The following GPAM variants were observed in gnomAD, a reference collection of about 807,000 sequenced individuals.
GPAM encodes glycerol-3-phosphate acyltransferase 1, mitochondrial.
GPAM carries 56 observed loss-of-function variants against 105.0 expected under a neutral mutation model. The observed-to-expected ratio is 0.53, with a 90% confidence interval of 0.43 to 0.67. GPAM has a LOEUF of 0.67. GPAM is among the 30% of genes least tolerant of loss of function. GPAM has a pLI of 0.00. For synonymous variants in GPAM, 368 were observed against 354.4 expected (o/e 1.04, Z -0.43); for missense variants, 855 against 989.8 (o/e 0.86, Z 1.83).
chr10:112,202,427 A>C (rs1370950365), intron 1 of GPAM, among the ~76,000 whole-genome samples: 1 of 152,226 alleles, frequency 6.6e-6, no homozygotes, highest in Non-Finnish European at 1.5e-5. Context: ...TACTATGTTC[A>C]TGGTAAGCCC....
intron 1 of GPAM, among the ~76,000 whole-genome samples, chr10:112,208,433 C>T (rs1847874518): frequency 6.6e-6 from 1 of 152,150 alleles, no homozygotes; most frequent in Non-Finnish European, 1.5e-5. Context: ...AAAGTGGATA[C>T]TTGAGGCATT....
upstream of GPAM, among the ~76,000 whole-genome samples, chr10:112,219,397 T>C (rs1296728205): frequency 6.6e-6 from 1 of 152,160 alleles, no homozygotes; most frequent in Non-Finnish European, 1.5e-5. Context: ...ACAGCAGGGA[T>C]GTGGAAGTAC....
chr10:112,185,569 C>A (rs1402178018), upstream of GPAM, among the ~76,000 whole-genome samples: 1 of 109,378 alleles, frequency 9.1e-6, no homozygotes, highest in South Asian at 3.1e-4. Flanking sequence ...CACACACACA[C>A]AGACACACAC....
In GPAM at chr10:112,191,420, C is replaced by A. The variant is rs145965803; in HGVS notation, n.211-8529G>T. 5.4e-3 allele frequency among the ~76,000 whole-genome samples: 829 copies of A among 152,322 alleles called. 8 individuals are homozygous for A. Among genetic ancestry groups the A allele is most frequent in the African/African-American group, 0.019 (801 of 41,566 alleles). ...TCTAGCCACTAGCTGTGCCACTGGG[C>A]AGGGCACCAATTCTAGAGGGAAACT... On this transcript the variant is annotated intron_variant and non_coding_transcript_variant, in intron 1 of 3. Transcript: ENST00000480130.
intron 1 of GPAM, among the ~76,000 whole-genome samples, chr10:112,199,851 C>T (rs1847771623): frequency 6.6e-6 from 1 of 152,062 alleles, no homozygotes; most frequent in African/African-American, 2.4e-5. Flanking sequence ...TATGGGGGAA[C>T]CGCCCCCCAT....
chr10:112,162,800 T>C (rs2133236933), intron 14 of GPAM, among the ~76,000 whole-genome samples: 1 of 152,296 alleles, frequency 6.6e-6, no homozygotes, highest in South Asian at 2.1e-4. Flanking sequence ...GTTTTTGCTG[T>C]CTATTTCATC....
intron 1 of GPAM, 166 bp downstream of exon 1, chr10:112,183,527 G>A (rs954718852): frequency 1.3e-5 from 2 of 152,344 alleles, no homozygotes; most frequent in Admixed American, 6.5e-5. Context: ...ACCCCTGCAC[G>A]AGCCCGACCG....
intron 12 of GPAM, among the ~76,000 whole-genome samples, chr10:112,165,094 A>T (rs993931796): frequency 4.6e-5 from 7 of 152,212 alleles, no homozygotes; most frequent in African/African-American, 1.7e-4. Context: ...GTTCTAAAAG[A>T]TCAAAGCATT....
chr10:112,213,200 C>G (rs1473967947), intron 1 of GPAM, among the ~76,000 whole-genome samples: 1 of 152,298 alleles, frequency 6.6e-6, no homozygotes, highest in Non-Finnish European at 1.5e-5. Flanking sequence ...ATTCATTTCT[C>G]ACTGGCTCTT....
chr10:112,162,320 C>T (rs1169748747), intron 14 of GPAM, among the ~76,000 whole-genome samples: 1 of 152,182 alleles, frequency 6.6e-6, no homozygotes, highest in African/African-American at 2.4e-5. Context: ...TCCTACCTAG[C>T]TCATTAGACC....
chr10:112,191,316 C>T (rs1217650899), intron 1 of GPAM, among the ~76,000 whole-genome samples: 1 of 152,164 alleles, frequency 6.6e-6, no homozygotes, highest in African/African-American at 2.4e-5. Flanking sequence ...CTCTTGCCAT[C>T]TCCCACCAGA....
At chr10:112,156,442 G>A in intron 19 of GPAM, 3 of 288,688 alleles carry the variant, frequency 1.0e-5, no homozygotes, top group South Asian at 3.5e-5. Flanking sequence ...AAAGACCAAT[G>A]GGAGACCACC....
At position 112,152,094 on chromosome 10, in the gene GPAM, T is replaced by G. The variant is rs576441686; in HGVS notation, c.*1456A>C. The G allele has an allele frequency of 6.1e-6, 6 of 982,978 alleles. No homozygotes were observed. The East Asian group carries it at 3.4e-4, about 56-fold the overall frequency. The allele number at this position is 982,978 out of a possible 1,614,324, so 60.9% of individuals were successfully genotyped here. On this transcript the variant is annotated 3_prime_UTR_variant, in exon 22 of 22. Transcript: ENST00000348367. ...CACATTACTCATGAGATACTATCAG[T>G]GTTTAAAATCCAAGCTTATGGAAGT...
Position 112,153,553 on chromosome 10 carries a change from C to T in GPAM, c.2484G>A (p.Leu828=), listed in dbSNP as rs377723956. ...TGCCAGCAGTGCCACACGTTACCTACAGCACCACAAAACTCAGAATATATT... is the reference window on the plus strand; with the variant it reads ...TGCCAGCAGTGCCACACGTTACCTATAGCACCACAAAACTCAGAATATATT... ...LLEYILSFVV[L] The change falls in exon 22 of 22, where the codon CTG becomes CTA. Residue 828 remains leucine (L), a synonymous_variant. Transcript: ENST00000348367. 11 of 1,613,824 alleles carry T rather than the reference C, an allele frequency of 6.8e-6. No individual in the cohort carries two copies. The highest frequency in any genetic ancestry group is 3.3e-5 in the Admixed American group (2 of 60,006).
At chr10:112,216,015 G>A (rs1365692605), upstream of GPAM, among the ~76,000 whole-genome samples, 2 of 152,166 alleles carry the variant, frequency 1.3e-5, no homozygotes, top group Non-Finnish European at 2.9e-5. Context: ...AACTAAGAAG[G>A]TGTAGGGGCG....
Position 112,160,796 on chromosome 10 carries a change from G to T in GPAM, c.1567C>A (p.Leu523Met). The T allele has an allele frequency of 6.2e-7, 1 of 1,613,822 alleles. No homozygotes were observed. Among genetic ancestry groups the T allele is most frequent in the Non-Finnish European group, 8.5e-7 (1 of 1,179,742 alleles). ...KEEVLARDFD[L>M]GFSGNSEDVV... is the part of the protein sequence containing the mutation. ...TCTTCTGAATTTCCTGAGAACCCCA[G>T]GTCAAAATCACGAGCCAGGACTTCC... The change falls in exon 16 of 22, where the codon CTG becomes ATG. Residue 523 changes from leucine to methionine, a missense_variant. Physicochemically the swap from Leu to Met is conservative, Grantham distance 15. Transcript: ENST00000348367.
chr10:112,179,048 A>G (rs1847458544), intron 4 of GPAM, among the ~76,000 whole-genome samples: 1 of 152,248 alleles, frequency 6.6e-6, no homozygotes, highest in Non-Finnish European at 1.5e-5. Context: ...CTCAACAAAT[A>G]TAAAACTACT....
chr10:112,192,849 G>A (rs150971706), intron 1 of GPAM, among the ~76,000 whole-genome samples: 55 of 152,356 alleles, frequency 3.6e-4, no homozygotes, highest in African/African-American at 1.3e-3. Flanking sequence ...TATGGACTTG[G>A]TCAACCAGGA....
In GPAM at chr10:112,150,230, C is replaced by G. The variant is rs192577378; in HGVS notation, c.*3320G>C. 1 of 984,018 alleles carries G rather than the reference C, an allele frequency of 1.0e-6. No individual in the cohort carries two copies. Among genetic ancestry groups the G allele is most frequent in the East Asian group, 1.1e-4 (1 of 8,802 alleles). 61.0% of individuals were successfully genotyped at this position (984,018 alleles called of 1,614,324 possible). A position where few individuals can be genotyped will look rare whatever the true frequency, so the allele number is the denominator to read the frequency against. ...CCATAGTAAGTCTTAGAAACCTCAA[C>G]GATAGGTCCTGTCATGTCTAAACAC... is the stretch of plus-strand genomic sequence containing the variant. On this transcript the variant is annotated 3_prime_UTR_variant, in exon 22 of 22. Transcript: ENST00000348367.
Sources: allele counts gnomAD v4.1 joint callset (sites outside exome capture counted in the v4.1 genomes callset), GRCh38; gene constraint gnomAD v4.1.1; transcripts MANE v1.5; gene names NCBI Gene and HGNC (gene_info 2026-07-23, HGNC 2026-07-21).